DGKB: variants seen among roughly 807,000 people sequenced by gnomAD.
DGKB encodes diacylglycerol kinase beta.
In DGKB, 67 loss-of-function variants were observed where a neutral mutation model predicts 114.3. The observed-to-expected ratio is 0.59, with a 90% CI of 0.48 to 0.72. The LOEUF (loss-of-function observed/expected upper bound fraction) is 0.72. Among genes scored for constraint, DGKB ranks in the 30% least tolerant of loss-of-function variants. The pLI is 0.00. For missense variants in DGKB, 907 were observed against 975.2 expected, an observed-to-expected ratio of 0.93 and a Z score of 0.93; for synonymous variants, 398 against 323.1, an observed-to-expected ratio of 1.23 and a Z score of -2.49.
intron 23 of DGKB, among the ~76,000 whole-genome samples, chr7:14,221,432 T>A (rs890703438): frequency 5.3e-5 from 8 of 151,544 alleles, no homozygotes; most frequent in African/African-American, 1.9e-4. Context: ...GAGTTGATCA[T>A]GTGATTTTTG....
At chr7:14,533,466 G>C (rs1421271047) in intron 20 of DGKB, among the ~76,000 whole-genome samples, 1 of 151,322 alleles carries the variant, frequency 6.6e-6, no homozygotes, top group Non-Finnish European at 1.5e-5. Flanking sequence ...GATAAGAAAA[G>C]GGAAGAAAAC....
chr7:14,182,370 A>G (rs1782759839), intron 23 of DGKB, among the ~76,000 whole-genome samples: 1 of 152,074 alleles, frequency 6.6e-6, no homozygotes, highest in Non-Finnish European at 1.5e-5. Flanking sequence ...CAGCATTTTA[A>G]TCTAATTTTT....
rs1223017426 is a variant in DGKB, at chr7:14,750,843, G to A, written c.168+3085C>T. Among the ~76,000 whole-genome samples, 2 of 104,854 alleles carry A rather than the reference G, an allele frequency of 1.9e-5. 1 individual carries two copies. 68.8% of individuals were successfully genotyped at this position (104,854 alleles called of 152,430 possible). ...TGAGACAGAGTCTCACTCTGTTGTT[G>A]CCCAGGCTGGAGTGCAATGGCGCGA... is the stretch of plus-strand genomic sequence containing the variant. On this transcript the variant is annotated intron_variant, in intron 4 of 25. Transcript: ENST00000402815.
chr7:14,698,717 G>A (rs7805934), intron 7 of DGKB, among the ~76,000 whole-genome samples: 7,921 of 152,146 alleles, frequency 0.052, 687 homozygotes, highest in African/African-American at 0.18. Context: ...TGAAATTTTA[G>A]TTTGAATTTC....
intron 13 of DGKB, among the ~76,000 whole-genome samples, chr7:14,667,739 G>T (rs1267098235): frequency 6.6e-6 from 1 of 152,100 alleles, no homozygotes. Flanking sequence ...AAGCAATTTT[G>T]TGGGCAGAAC....
At chr7:14,587,312 G>A (rs543926657) in intron 17 of DGKB, among the ~76,000 whole-genome samples, 3 of 152,208 alleles carry the variant, frequency 2.0e-5, no homozygotes, top group African/African-American at 4.8e-5. Context: ...GAGGCTGCAT[G>A]TGACTGAATT....
intron 20 of DGKB, among the ~76,000 whole-genome samples, chr7:14,539,226 G>A (rs1294733065): frequency 6.6e-6 from 1 of 152,080 alleles, no homozygotes. Flanking sequence ...CTTGATTATG[G>A]TGATAGTAGT....
intron 23 of DGKB, among the ~76,000 whole-genome samples, chr7:14,207,960 T>G (rs1220537794): frequency 6.6e-6 from 1 of 152,198 alleles, no homozygotes; most frequent in East Asian, 1.9e-4. Flanking sequence ...TACAGAACTT[T>G]GTAGATGAAC....
At chr7:14,838,224 C>G (rs962407693) in intron 2 of DGKB, among the ~76,000 whole-genome samples, 19 of 152,138 alleles carry the variant, frequency 1.2e-4, no homozygotes, top group African/African-American at 4.3e-4. Context: ...AAGTAGCAGC[C>G]TATAATACAC....
rs560999606 is a variant in DGKB, at chr7:14,595,156, G to C, written c.1434-12019C>G. 5.3e-5 allele frequency among the ~76,000 whole-genome samples: 8 copies of C among 152,146 alleles called. No homozygotes were observed. The South Asian group carries it at 8.3e-4, about 16-fold the overall frequency. On this transcript the variant is annotated intron_variant, in intron 17 of 25. Coordinates refer to ENST00000402815, the MANE Select transcript of DGKB (RefSeq NM_001350709.2). ...GGTAAAGTTAATTAGCTGATGAATT[G>C]GGGGACAGAAGTGAGGAGAAATTGA...
At chr7:14,668,858 CCAAAAGACACGGTCA>C (rs1818485124) in intron 13 of DGKB, among the ~76,000 whole-genome samples, 1 of 152,068 alleles carries the variant, frequency 6.6e-6, no homozygotes, top group Non-Finnish European at 1.5e-5. Context: ...ATCACATTTG[CCAAAAGACACGGTCA>C]CATGAAGACT....
chr7:14,965,226 T>C (rs1787083558), intron 1 of DGKB, among the ~76,000 whole-genome samples: 1 of 152,160 alleles, frequency 6.6e-6, no homozygotes, highest in Admixed American at 6.5e-5. Context: ...TGGGGTTAAG[T>C]CATTTTAAAG....
At chr7:14,637,626 A>G (rs1810996724) in intron 13 of DGKB, among the ~76,000 whole-genome samples, 1 of 151,494 alleles carries the variant, frequency 6.6e-6, no homozygotes, top group Non-Finnish European at 1.5e-5. Context: ...GTATATACAC[A>G]TATATACATA....
intron 21 of DGKB, among the ~76,000 whole-genome samples, chr7:14,348,065 C>A (rs971502675): frequency 6.6e-6 from 1 of 151,900 alleles, no homozygotes; most frequent in Non-Finnish European, 1.5e-5. Flanking sequence ...ACAGGACAAC[C>A]ACAATGCTGA....
In DGKB at chr7:14,568,062, T is replaced by A. The variant is rs182969059; in HGVS notation, c.1770+6150A>T. Among the ~76,000 whole-genome samples, 217 of 152,300 alleles carry A rather than the reference T, an allele frequency of 1.4e-3. 4 individuals are homozygous for A. Among genetic ancestry groups the A allele is most frequent in the Non-Finnish European group, 4.9e-4 (33 of 68,018 alleles). On this transcript the variant is annotated intron_variant, in intron 20 of 25. Transcript: ENST00000402815. Reference sequence around the variant, plus strand: ...TTTATTCCTGGGATATTTAAAGATATCTGTAGTTGGCTTTTGCTTCTAATG... The same window carrying A: ...TTTATTCCTGGGATATTTAAAGATAACTGTAGTTGGCTTTTGCTTCTAATG...
intron 20 of DGKB, among the ~76,000 whole-genome samples, chr7:14,561,756 G>A (rs1028951922): frequency 1.3e-5 from 2 of 152,130 alleles, no homozygotes; most frequent in African/African-American, 4.8e-5. Flanking sequence ...TTTCTAAGTG[G>A]CAAAGCATTC....
intron 1 of DGKB, among the ~76,000 whole-genome samples, chr7:14,909,187 A>C (rs1479019471): frequency 1.3e-5 from 2 of 152,204 alleles, no homozygotes; most frequent in African/African-American, 4.8e-5. Flanking sequence ...AAACTTCATC[A>C]TGTATGTACT....
chr7:14,257,206 G>T (rs575293583), intron 23 of DGKB, among the ~76,000 whole-genome samples: 1 of 152,112 alleles, frequency 6.6e-6, no homozygotes, highest in African/African-American at 2.4e-5. Flanking sequence ...TACTAGAATA[G>T]AATTTTATTC....
intron 13 of DGKB, among the ~76,000 whole-genome samples, chr7:14,646,871 A>T (rs925030475): frequency 6.6e-6 from 1 of 151,946 alleles, no homozygotes; most frequent in African/African-American, 2.4e-5. Flanking sequence ...TATATAAAAA[A>T]TTAAAATATT....
Sources: gnomAD v4.1 joint callset for allele counts (sites outside exome capture counted in the v4.1 genomes callset) on GRCh38, gnomAD v4.1.1 for gene constraint, MANE v1.5 for transcripts, NCBI Gene and HGNC (gene_info 2026-07-23, HGNC 2026-07-21) for gene names.